The following TMTC2 variants were observed in gnomAD, a reference collection of about 807,000 sequenced individuals.
TMTC2 encodes protein O-mannosyl-transferase TMTC2.
In TMTC2, 43 loss-of-function variants were observed where a neutral mutation model predicts 82.4. That is an observed-to-expected ratio of 0.52 (90% CI 0.41 to 0.67). TMTC2 has a LOEUF of 0.67. Among genes scored for constraint, TMTC2 ranks in the 30% least tolerant of loss-of-function variants. TMTC2 has a pLI of 0.00. For synonymous variants in TMTC2, 408 were observed against 381.9 expected (o/e 1.07, Z -0.80); for missense variants, 919 against 1,012.4 (o/e 0.91, Z 1.25).
chr12:82,865,762 T>TA (rs1211742823), intron 2 of TMTC2, among the ~76,000 whole-genome samples: 1 of 152,150 alleles, frequency 6.6e-6, no homozygotes, highest in Non-Finnish European at 1.5e-5. Context: ...TAGTTGGAAG[T>TA]AAAGCACTCC....
intron 11 of TMTC2, among the ~76,000 whole-genome samples, chr12:83,079,048 T>C (rs1883378046): frequency 6.6e-6 from 1 of 152,114 alleles, no homozygotes. Flanking sequence ...AAGCTACTAA[T>C]ACAATTAATA....
intron 4 of TMTC2, 23 bp from the exon 5 acceptor site, chr12:82,965,001 A>G: frequency 1.3e-6 from 2 of 1,576,984 alleles, no homozygotes; most frequent in Non-Finnish European, 1.7e-6. Context: ...TCCTTTCTCT[A>G]AATTTCTGTT....
In TMTC2 at chr12:82,862,162, G is replaced by A. The variant is rs560549710; in HGVS notation, c.654+4582G>A. ...GTGGTCAAAAAATAAGGGGGGAAAA[G>A]CCCTTGAAATACACTTAGCCTTGCA... On this transcript the variant is annotated intron_variant, in intron 2 of 11. Coordinates refer to ENST00000321196, the MANE Select transcript of TMTC2 (RefSeq NM_152588.3). Among the ~76,000 whole-genome samples the A allele has an allele frequency of 4.4e-4, 67 of 152,242 alleles. 1 individual carries two copies. Among genetic ancestry groups the A allele is most frequent in the African/African-American group, 1.5e-3 (64 of 41,546 alleles).
At chr12:82,877,699 G>A (rs1342611389) in intron 2 of TMTC2, among the ~76,000 whole-genome samples, 1 of 152,026 alleles carries the variant, frequency 6.6e-6, no homozygotes, top group African/African-American at 2.4e-5. Flanking sequence ...TAAGGAACTT[G>A]ACTTGGCTTC....
At chr12:82,788,671 G>A (rs1878303830) in intron 1 of TMTC2, among the ~76,000 whole-genome samples, 1 of 152,078 alleles carries the variant, frequency 6.6e-6, no homozygotes, top group Non-Finnish European at 1.5e-5. Flanking sequence ...ATGTTCAGGA[G>A]CTAATGTCCT....
At chr12:83,030,396 A>G (rs12578893) in intron 8 of TMTC2, among the ~76,000 whole-genome samples, 28,236 of 152,138 alleles carry the variant, frequency 0.19, 2,680 homozygotes, top group Middle Eastern at 0.25. Flanking sequence ...AAATGGCCAC[A>G]GTTCTTTACA....
At chr12:82,958,018 C>T (rs1877706416) in intron 4 of TMTC2, among the ~76,000 whole-genome samples, 3 of 152,056 alleles carry the variant, frequency 2.0e-5, no homozygotes, top group Non-Finnish European at 4.4e-5. Flanking sequence ...CTCCCTGACT[C>T]ATTCTATGAA....
intron 1 of TMTC2, among the ~76,000 whole-genome samples, chr12:82,838,722 C>A (rs973326182): frequency 6.6e-6 from 1 of 150,724 alleles, no homozygotes; most frequent in African/African-American, 2.4e-5. Context: ...CCTCTAGGGG[C>A]TTTATTTTCA....
intron 1 of TMTC2, among the ~76,000 whole-genome samples, chr12:82,818,123 G>T (rs1868859266): frequency 6.6e-6 from 1 of 151,814 alleles, no homozygotes; most frequent in Admixed American, 6.6e-5. Flanking sequence ...TGTATTTTTG[G>T]ACATGGAGCC....
At chr12:82,856,937 A>G in intron 1 of TMTC2, 73 bp from the exon 2 acceptor site, 1 of 1,389,576 alleles carries the variant, frequency 7.2e-7, no homozygotes, top group South Asian at 1.4e-5. Context: ...GAAAGGCAGT[A>G]TCTTATCAAT....
At chr12:83,103,385 A>G (rs1884289259) in intron 11 of TMTC2, among the ~76,000 whole-genome samples, 1 of 152,180 alleles carries the variant, frequency 6.6e-6, no homozygotes, top group Non-Finnish European at 1.5e-5. Context: ...ATTGGCTCAT[A>G]GTTCTATAGG....
In TMTC2 at chr12:82,997,368, G is replaced by GTATATATATATGTGTGTA. The variant is rs1354293086; in HGVS notation, c.2070+11333_2070+11334insGTGTGTATATATATATAT. The stretch of plus-strand genomic sequence containing the variant: ...TGTGTGTATATATATATATATATGT[G>GTATATATATATGTGTGTA]TATATATATATATGTGTATATATAT... On this transcript the variant is annotated intron_variant, in intron 8 of 11. Transcript: ENST00000321196. 7.9e-3 allele frequency among the ~76,000 whole-genome samples: 282 copies of GTATATATATATGTGTGTA among 35,508 alleles called. 13 individuals are homozygous for GTATATATATATGTGTGTA. The highest frequency in any genetic ancestry group is 0.021 in the African/African-American group (272 of 12,738). The allele number at this position is 35,508 out of a possible 152,430, so 23.3% of individuals were successfully genotyped here.
intron 11 of TMTC2, among the ~76,000 whole-genome samples, chr12:83,068,991 G>A (rs1333679787): frequency 1.3e-5 from 2 of 152,086 alleles, no homozygotes; most frequent in Admixed American, 1.3e-4. Context: ...ACTTCACTTA[G>A]AATAATAGTC....
At chr12:82,800,132 C>CTGT (rs1174434157) in intron 1 of TMTC2, among the ~76,000 whole-genome samples, 10 of 152,254 alleles carry the variant, frequency 6.6e-5, no homozygotes, top group South Asian at 4.2e-4. Context: ...CACGTACACT[C>CTGT]TGTCAACTGA....
chr12:83,118,042 A>C (rs1459046214), intron 11 of TMTC2, among the ~76,000 whole-genome samples: 4 of 152,062 alleles, frequency 2.6e-5, no homozygotes, highest in Non-Finnish European at 1.5e-5. Context: ...TTGCTGAATT[A>C]TTTTATCAGT....
chr12:82,757,977 C>A (rs529449420), intron 1 of TMTC2, among the ~76,000 whole-genome samples: 3 of 152,168 alleles, frequency 2.0e-5, no homozygotes, highest in South Asian at 4.1e-4. Context: ...GAAATCAAAA[C>A]CCTTGACTAT....
intron 11 of TMTC2, among the ~76,000 whole-genome samples, chr12:83,108,887 A>G (rs183301787): frequency 6.6e-6 from 1 of 152,284 alleles, no homozygotes; most frequent in Non-Finnish European, 1.5e-5. Context: ...TATTCTTATT[A>G]ATATGTTAAT....
intron 2 of TMTC2, among the ~76,000 whole-genome samples, chr12:82,886,496 A>G (rs566667617): frequency 6.6e-6 from 1 of 152,332 alleles, no homozygotes; most frequent in South Asian, 2.1e-4. Flanking sequence ...ATGGTGTACT[A>G]TGGGTTTAAG....
At chr12:82,788,689 T>C (rs150452024) in intron 1 of TMTC2, among the ~76,000 whole-genome samples, 374 of 152,270 alleles carry the variant, frequency 2.5e-3, no homozygotes, top group African/African-American at 8.8e-3. Context: ...CCTGGTCTTT[T>C]CATCTCTGGA....
Sources: allele counts gnomAD v4.1 joint callset (sites outside exome capture counted in the v4.1 genomes callset), GRCh38; gene constraint gnomAD v4.1.1; transcripts MANE v1.5; gene names NCBI Gene and HGNC (gene_info 2026-07-23, HGNC 2026-07-21).